The following DNAJC12 variants were observed in gnomAD, a reference collection of about 807,000 sequenced individuals.
DNAJC12 encodes dnaJ homolog subfamily C member 12.
DNAJC12 carries 25 observed loss-of-function variants against 28.5 expected under a neutral mutation model. That is an observed-to-expected ratio of 0.88 (90% confidence interval 0.64 to 1.22). DNAJC12 has a LOEUF of 1.22. Ranked by LOEUF, DNAJC12 falls within the 50% of genes most tolerant of loss-of-function variation. DNAJC12 has a pLI of 0.00. For missense variants in DNAJC12, 222 were observed against 231.7 expected (o/e 0.96, Z 0.27); for synonymous variants, 77 against 80.6 (o/e 0.95, Z 0.24).
chr10:67,803,239 C>A (rs1841765958), intron 4 of DNAJC12, among the ~76,000 whole-genome samples: 1 of 152,116 alleles, frequency 6.6e-6, no homozygotes, highest in Non-Finnish European at 1.5e-5. Context: ...GAGGGGTTAA[C>A]TAGCTTGTCC....
chr10:67,808,110 C>T (rs1222223245), intron 3 of DNAJC12, among the ~76,000 whole-genome samples: 1 of 152,210 alleles, frequency 6.6e-6, no homozygotes, highest in African/African-American at 2.4e-5. Flanking sequence ...TATTTCTCAA[C>T]TCCACAAGGG....
At chr10:67,801,413 A>T (rs1841742945) in intron 4 of DNAJC12, among the ~76,000 whole-genome samples, 1 of 152,206 alleles carries the variant, frequency 6.6e-6, no homozygotes, top group Admixed American at 6.5e-5. Flanking sequence ...AAAAGCCAAT[A>T]ATCTTTTAAA....
chr10:67,833,695 T>C (rs1842116101), intron 1 of DNAJC12: 1 of 352,902 alleles, frequency 2.8e-6, no homozygotes, highest in Non-Finnish European at 5.7e-6. Flanking sequence ...GTGTGCAGTT[T>C]TGGGCCATGA....
intron 2 of DNAJC12, among the ~76,000 whole-genome samples, chr10:67,821,238 C>T (rs1311062020): frequency 6.6e-6 from 1 of 151,926 alleles, no homozygotes; most frequent in Non-Finnish European, 1.5e-5. Context: ...GATATAAGGC[C>T]AGGCACAGTG....
rs558719093 is a variant in DNAJC12 at position 67,813,971 on chromosome 10, T to G, written c.158-2308A>C. Among the ~76,000 whole-genome samples, 3 of 151,944 alleles carry G rather than the reference T, an allele frequency of 2.0e-5. No homozygotes were observed. In the South Asian group the frequency reaches 6.2e-4, roughly 32 times the overall value. ...AATCTCTATCAAAATCCCAGTTGCC[T>G]TTTTTGCAGAAATTGACAATCTAGT... On this transcript the variant is annotated intron_variant, in intron 2 of 4. Coordinates refer to ENST00000225171, the MANE Select transcript of DNAJC12 (RefSeq NM_021800.3).
chr10:67,837,884 T>C, intron 1 of DNAJC12, 50 bp downstream of exon 1: 1 of 1,355,434 alleles, frequency 7.4e-7, no homozygotes, highest in East Asian at 2.4e-5. Flanking sequence ...CTTGAAATAC[T>C]ATTGTGAAAA....
intron 1 of DNAJC12, among the ~76,000 whole-genome samples, chr10:67,827,902 AGCTG>A (rs950698665): frequency 2.0e-5 from 3 of 151,834 alleles, no homozygotes; most frequent in Admixed American, 6.6e-5. Context: ...GCTTCCATAG[AGCTG>A]GCTCTATGTA....
rs749875413 is a variant in DNAJC12 at position 67,823,412 on chromosome 10, T to C, written c.79-20A>G. On this transcript the variant is annotated intron_variant, in intron 1 of 4. Transcript: ENST00000225171. ...TTCAACCTGAAACAAAAATCAGTGT[T>C]TAAAATAAAGAGTCATGCCAGGCGC... is the stretch of plus-strand genomic sequence containing the variant. 5 of 1,611,604 alleles carry C rather than the reference T, an allele frequency of 3.1e-6. No individual in the cohort carries two copies. Among genetic ancestry groups the C allele is most frequent in the Non-Finnish European group, 4.2e-6 (5 of 1,178,020 alleles).
intron 4 of DNAJC12, among the ~76,000 whole-genome samples, chr10:67,803,992 A>G (rs1334906439): frequency 6.6e-6 from 1 of 152,256 alleles, no homozygotes; most frequent in Non-Finnish European, 1.5e-5. Flanking sequence ...AGAGATTTGA[A>G]GTGACTATTT....
At chr10:67,809,842 G>A (rs1841841405) in intron 3 of DNAJC12, among the ~76,000 whole-genome samples, 1 of 152,162 alleles carries the variant, frequency 6.6e-6, no homozygotes, top group South Asian at 2.1e-4. Context: ...GAGACTCAAA[G>A]TGGGAGGCTG....
chr10:67,807,302 G>T (rs1841813221), intron 3 of DNAJC12, among the ~76,000 whole-genome samples: 1 of 152,042 alleles, frequency 6.6e-6, no homozygotes, highest in Admixed American at 6.6e-5. Context: ...ATTAGGCGAA[G>T]TTTCGATGCA....
chr10:67,834,152 TA>T, intron 1 of DNAJC12: 1 of 394,118 alleles, frequency 2.5e-6, no homozygotes, highest in Non-Finnish European at 5.0e-6. Context: ...GCTTTTATAA[TA>T]AAATGCCTCA....
chr10:67,799,710 C>A (rs892275634), intron 4 of DNAJC12, among the ~76,000 whole-genome samples: 3 of 151,924 alleles, frequency 2.0e-5, no homozygotes, highest in Non-Finnish European at 4.4e-5. Flanking sequence ...TGGTGAAACC[C>A]CGTCTCTACT....
At chr10:67,801,253 A>G (rs1841741345) in intron 4 of DNAJC12, among the ~76,000 whole-genome samples, 1 of 152,208 alleles carries the variant, frequency 6.6e-6, no homozygotes, top group Non-Finnish European at 1.5e-5. Flanking sequence ...GTAATATATA[A>G]GAAGCCACTC....
chr10:67,815,012 G>A (rs1253968785), intron 2 of DNAJC12, among the ~76,000 whole-genome samples: 1 of 152,140 alleles, frequency 6.6e-6, no homozygotes, highest in Non-Finnish European at 1.5e-5. Flanking sequence ...ATATATCCAT[G>A]AGAAATGAAA....
At chr10:67,816,351 T>A (rs963437053) in intron 2 of DNAJC12, among the ~76,000 whole-genome samples, 3 of 152,034 alleles carry the variant, frequency 2.0e-5, no homozygotes, top group African/African-American at 7.2e-5. Context: ...ACATTATTTA[T>A]TAATTATGTT....
At chr10:67,836,736 A>G (rs1564869439) in intron 1 of DNAJC12, among the ~76,000 whole-genome samples, 1 of 152,106 alleles carries the variant, frequency 6.6e-6, no homozygotes, top group East Asian at 1.9e-4. Flanking sequence ...CAGCATGGCA[A>G]AAATAGAGAT....
At chr10:67,805,041 A>G (rs562048573) in intron 4 of DNAJC12, among the ~76,000 whole-genome samples, 1 of 152,174 alleles carries the variant, frequency 6.6e-6, no homozygotes, top group Non-Finnish European at 1.5e-5. Context: ...CAAAAAAGAA[A>G]AAAAATTAAA....
chr10:67,826,719 A>C (rs1316067133), intron 1 of DNAJC12, among the ~76,000 whole-genome samples: 1 of 123,698 alleles, frequency 8.1e-6, no homozygotes, highest in East Asian at 2.3e-4. Flanking sequence ...CACTATATAT[A>C]AGATATCTAA....
Sources: gnomAD v4.1 joint callset for allele counts (sites outside exome capture counted in the v4.1 genomes callset) on GRCh38, gnomAD v4.1.1 for gene constraint, MANE v1.5 for transcripts, NCBI Gene and HGNC (gene_info 2026-07-23, HGNC 2026-07-21) for gene names.